Variants in PPP2R5C observed in about 807,000 individuals in gnomAD.
PPP2R5C encodes serine/threonine-protein phosphatase 2A 56 kDa regulatory subunit gamma isoform.
PPP2R5C carries 7 observed loss-of-function variants against 68.9 expected under a neutral mutation model. That is an observed-to-expected ratio of 0.10 (90% confidence interval 0.06 to 0.19). The LOEUF (loss-of-function observed/expected upper bound fraction) is 0.19, where lower values mean the gene tolerates loss of function less well. PPP2R5C is among the 10% of genes least tolerant of loss of function. The pLI, the probability that PPP2R5C is intolerant of heterozygous loss-of-function variation, is 1.00. For synonymous variants in PPP2R5C, 210 were observed against 222.2 expected (o/e 0.95, Z 0.49); for missense variants, 348 against 641.3 (o/e 0.54, Z 4.94).
In PPP2R5C at chr14:101,877,416, G is replaced by A. The variant is rs1001612227; in HGVS notation, c.295-4745G>A. Among the ~76,000 whole-genome samples, 4 of 152,096 alleles carry A rather than the reference G, an allele frequency of 2.6e-5. No individual in the cohort carries two copies. The highest frequency in any genetic ancestry group is 1.9e-4 in the East Asian group (1 of 5,192). The stretch of plus-strand genomic sequence containing the variant: ...GTGCCTCTGGGTGTGCGCTGGATCC[G>A]TAGGTCTCATTTGAGAGATCACAGT... On this transcript the variant is annotated intron_variant, in intron 2 of 13. Transcript: ENST00000334743. The surrounding 1 kb of genome is among the most constrained non-coding windows in gnomAD (Gnocchi z 4.2).
intron 2 of PPP2R5C, among the ~76,000 whole-genome samples, chr14:101,862,213 G>A (rs2042787744): frequency 6.6e-6 from 1 of 152,178 alleles, no homozygotes; most frequent in East Asian, 1.9e-4. Context: ...ATCGCACCCA[G>A]CCAGAAATTT....
At chr14:101,893,229 G>C in intron 7 of PPP2R5C, 121 bp downstream of exon 9, 1 of 608,268 alleles carries the variant, frequency 1.6e-6, no homozygotes, top group Non-Finnish European at 2.9e-6. Flanking sequence ...ACTAACTTTG[G>C]TAACAAACTT....
intron 1 of PPP2R5C, among the ~76,000 whole-genome samples, chr14:101,826,328 G>T: frequency 6.6e-6 from 1 of 152,124 alleles, no homozygotes; most frequent in East Asian, 1.9e-4. Context: ...TAGGGTGTGA[G>T]GTAAGGGTCC....
chr14:101,869,342 G>A (rs577858464), intron 2 of PPP2R5C, among the ~76,000 whole-genome samples: 24 of 152,296 alleles, frequency 1.6e-4, no homozygotes, highest in African/African-American at 5.5e-4. Context: ...CCTATGGAGG[G>A]ATATTTGAGG....
rs775099374 is a variant in PPP2R5C, at chr14:101,799,946, A to C, written c.259+13763A>C. Among the ~76,000 whole-genome samples the C allele has an allele frequency of 6.8e-4, 103 of 152,284 alleles. 1 individual carries two copies. Among genetic ancestry groups the C allele is most frequent in the Non-Finnish European group, 9.7e-4 (66 of 68,012 alleles). ...TAAGGGATTCTCCCTGCAGTGACTT[A>C]ATCTATATCTCTTTTTAAAAATTAT... On this transcript the variant is annotated intron_variant, in intron 3 of 14. Transcript: ENST00000328724.
chr14:101,833,234 C>G (rs2040862491), intron 1 of PPP2R5C, among the ~76,000 whole-genome samples: 1 of 152,234 alleles, frequency 6.6e-6, no homozygotes, highest in Non-Finnish European at 1.5e-5. Context: ...TAGGTCCGCC[C>G]CTCGGCCAGC....
At chr14:101,767,399 C>T (rs1484619957) in intron 2 of PPP2R5C, among the ~76,000 whole-genome samples, 1 of 152,164 alleles carries the variant, frequency 6.6e-6, no homozygotes, top group Non-Finnish European at 1.5e-5. Flanking sequence ...TACTCCTTTT[C>T]ACAGTCTCTG....
chr14:101,774,882 G>A lies in PPP2R5C; in HGVS notation c.94-11136G>A, dbSNP rs368240186. Among the ~76,000 whole-genome samples, 7 of 152,344 alleles carry A rather than the reference G, an allele frequency of 4.6e-5. No individual in the cohort carries two copies. The East Asian group carries it at 9.6e-4, about 21-fold the overall frequency. ...GTAAATATTCAAGGCTTCAGGGGGC[G>A]CGTGGTCTCTACTGCAACTACTTAA... On this transcript the variant is annotated intron_variant, in intron 2 of 14. Transcript: ENST00000328724.
chr14:101,926,697 T>C (rs769770723), exon 14 of PPP2R5C: 1 of 152,472 alleles, frequency 6.6e-6, no homozygotes, highest in African/African-American at 2.4e-5. Context: ...TGGCTTATTT[T>C]AGGATCTGTT....
At chr14:101,922,824 A>T (rs58186728) in intron 13 of PPP2R5C, among the ~76,000 whole-genome samples, 29,593 of 150,964 alleles carry the variant, frequency 0.2, 4,660 homozygotes, top group African/African-American at 0.43. Flanking sequence ...TAATAAAAAT[A>T]AAAAAAAAAT....
chr14:101,790,691 G>A (rs768189870), intron 3 of PPP2R5C, among the ~76,000 whole-genome samples: 1 of 152,230 alleles, frequency 6.6e-6, no homozygotes, highest in East Asian at 1.9e-4. Context: ...GTGAACATTT[G>A]CATAGAAGTC....
rs2044638550 is a variant in PPP2R5C at position 101,888,035 on chromosome 14, CA to C, written c.630-2201del. Among the ~76,000 whole-genome samples, 1 of 152,108 alleles carries C rather than the reference CA, an allele frequency of 6.6e-6. No individual in the cohort carries two copies. The highest frequency in any genetic ancestry group is 1.9e-4 in the East Asian group (1 of 5,196). ...CTTCTTTCTTCTGCCTACATCAAAG[CA>C]GGTTTAAAAAATTAGAAATTAAGAA... On this transcript the variant is annotated intron_variant, in intron 5 of 13. Transcript: ENST00000334743. The surrounding 1 kb of genome is among the most constrained non-coding windows in gnomAD (Gnocchi z 5.6).
At chr14:101,823,532 A>G (rs1269265035) in intron 1 of PPP2R5C, 1 of 156,794 alleles carries the variant, frequency 6.4e-6, no homozygotes, top group African/African-American at 2.4e-5. Flanking sequence ...GTTTGTCATT[A>G]GCACCCTGGA....
intron 1 of PPP2R5C, among the ~76,000 whole-genome samples, chr14:101,844,931 A>G (rs951270422): frequency 4.6e-5 from 7 of 152,170 alleles, no homozygotes; most frequent in African/African-American, 1.2e-4. Flanking sequence ...CAGTCATGCT[A>G]GTGAAAGTGG....
intron 1 of PPP2R5C, among the ~76,000 whole-genome samples, chr14:101,762,632 G>A (rs533215791): frequency 1.1e-4 from 17 of 152,220 alleles, no homozygotes; most frequent in Admixed American, 2.6e-4. Flanking sequence ...ATCTCAAAAT[G>A]CCAGAAGCAC....
chr14:101,815,717 T>A (rs2039618053), intron 1 of PPP2R5C, among the ~76,000 whole-genome samples: 1 of 152,232 alleles, frequency 6.6e-6, no homozygotes, highest in Non-Finnish European at 1.5e-5. Flanking sequence ...TCACCCAGGC[T>A]GGGGTGCAGT....
chr14:101,867,149 A>G (rs1399424856), intron 2 of PPP2R5C, among the ~76,000 whole-genome samples: 2 of 151,704 alleles, frequency 1.3e-5, no homozygotes, highest in African/African-American at 4.8e-5. Context: ...CCCAGGAGGC[A>G]GAGGTTGCAG....
intron 2 of PPP2R5C, among the ~76,000 whole-genome samples, chr14:101,784,631 C>T (rs1452193734): frequency 6.6e-6 from 1 of 152,206 alleles, no homozygotes; most frequent in African/African-American, 2.4e-5. Flanking sequence ...CCAGGTCCCT[C>T]CCTTGACTCG....
In PPP2R5C at chr14:101,765,548, T is replaced by G. The variant is rs140617915; in HGVS notation, c.93+2578T>G. 2.1e-3 allele frequency: 603 copies of G among 293,594 alleles called. 3 individuals carry two copies. Among genetic ancestry groups the G allele is most frequent in the African/African-American group, 1.0e-2 (455 of 45,726 alleles). The allele number at this position is 293,594 out of a possible 1,614,324, so 18.2% of individuals were successfully genotyped here. On this transcript the variant is annotated intron_variant, in intron 2 of 14. Coordinates refer to the PPP2R5C transcript ENST00000328724. The stretch of plus-strand genomic sequence containing the variant: ...CTGAACAATTTAAATAGGCTTGACA[T>G]TCCCATGCTGCTTTCAAGCCTTTTT...
Sources: gnomAD v4.1 joint callset for allele counts (sites outside exome capture counted in the v4.1 genomes callset) on GRCh38, gnomAD v4.1.1 for gene constraint, Gnocchi (gnomAD v3.1) non-coding constraint, MANE v1.5 for transcripts, NCBI Gene and HGNC (gene_info 2026-07-23, HGNC 2026-07-21) for gene names.